Variants in ERRFI1 observed in about 807,000 individuals in gnomAD.
ERRFI1 encodes ERBB receptor feedback inhibitor 1.
In ERRFI1, 12 loss-of-function variants were observed where a neutral mutation model predicts 14.6. The observed-to-expected ratio is 0.82, with a 90% CI of 0.53 to 1.33. The LOEUF (loss-of-function observed/expected upper bound fraction) is 1.33. Ranked by LOEUF, ERRFI1 falls within the 40% of genes most tolerant of loss-of-function variation. ERRFI1 has a pLI of 0.00. For synonymous variants in ERRFI1, 202 were observed against 209.9 expected, an observed-to-expected ratio of 0.96 and a Z score of 0.32; for missense variants, 482 against 572.1, an observed-to-expected ratio of 0.84 and a Z score of 1.61.
rs1303724459 is a variant in ERRFI1 at position 8,014,437 on chromosome 1, T to C, written c.203-41A>G. The stretch of plus-strand genomic sequence containing the variant: ...GATATTAATAAAAGATCAACAATCC[T>C]CTCTCCACCTGTGTGAGGGAGAGAG... On this transcript the variant is annotated intron_variant, in intron 3 of 3. Transcript: ENST00000377482. The C allele has an allele frequency of 5.3e-6, 8 of 1,513,524 alleles. No individual in the cohort carries two copies. The South Asian group carries it at 7.9e-5, about 15-fold the overall frequency. The allele number at this position is 1,513,524 out of a possible 1,614,324, so 93.8% of individuals were successfully genotyped here. A position where few individuals can be genotyped will look rare whatever the true frequency, so the allele number is the denominator to read the frequency against.
At position 8,019,311 on chromosome 1, in the gene ERRFI1, A is replaced by G. The variant is rs577162995; in HGVS notation, c.-73-3619T>C. ...GGCCTCCACAATATAAACCTAATCT[A>G]TATTTTCAAGCGCGCTTCTATTTTC... On this transcript the variant is annotated intron_variant, in intron 1 of 3. Coordinates refer to ENST00000377482, the MANE Select transcript of ERRFI1 (RefSeq NM_018948.4). Among the ~76,000 whole-genome samples, 362 of 152,276 alleles carry G rather than the reference A, an allele frequency of 2.4e-3. 2 individuals carry two copies. The highest frequency in any genetic ancestry group is 4.4e-3 in the Non-Finnish European group (301 of 68,022).
At chr1:8,014,439 T>C (rs757355038) in intron 3 of ERRFI1, 43 bp from the exon 4 acceptor site, 3 of 1,504,968 alleles carry the variant, frequency 2.0e-6, no homozygotes, top group Non-Finnish European at 2.7e-6. Flanking sequence ...AACAATCCTC[T>C]CTCCACCTGT....
chr1:8,023,623 G>A (rs1641302630), intron 1 of ERRFI1, among the ~76,000 whole-genome samples: 1 of 152,184 alleles, frequency 6.6e-6, no homozygotes, highest in African/African-American at 2.4e-5. Context: ...ACCTGGAAGA[G>A]TGGTCTTTTC....
chr1:8,012,235 T>G lies in ERRFI1; in HGVS notation c.*975A>C, dbSNP rs1569576653. 1.3e-5 allele frequency: 3 copies of G among 231,688 alleles called. No homozygotes were observed. The Admixed American group carries it at 1.7e-4, about 13-fold the overall frequency. 14.4% of individuals were successfully genotyped at this position (231,688 alleles called of 1,614,324 possible). Reference sequence around the variant, plus strand: ...AGGAACCAGCAACACAAGGCCAGCTTGTGTTGTATGTTTATTAATACAGTC... The same window carrying G: ...AGGAACCAGCAACACAAGGCCAGCTGGTGTTGTATGTTTATTAATACAGTC... On this transcript the variant is annotated 3_prime_UTR_variant, in exon 4 of 4. Transcript: ENST00000377482.
At position 8,014,930 on chromosome 1, in the gene ERRFI1, A is replaced by C. The variant is rs1393262263; in HGVS notation, c.202+378T>G. 5 of 213,658 alleles carry C rather than the reference A, an allele frequency of 2.3e-5. No homozygotes were observed. The Admixed American group carries it at 2.6e-4, about 11-fold the overall frequency. The allele number at this position is 213,658 out of a possible 1,614,324, so 13.2% of individuals were successfully genotyped here. A position where few individuals can be genotyped will look rare whatever the true frequency, so the allele number is the denominator to read the frequency against. On this transcript the variant is annotated intron_variant, in intron 3 of 3. Coordinates refer to ENST00000377482, the MANE Select transcript of ERRFI1 (RefSeq NM_018948.4). Reference sequence around the variant, plus strand: ...TAAAAATACTATTTTTTAAGTTTTGAGGAACATTTATACTATTTTCATCTA... The same window carrying C: ...TAAAAATACTATTTTTTAAGTTTTGCGGAACATTTATACTATTTTCATCTA...
intron 1 of ERRFI1, among the ~76,000 whole-genome samples, chr1:8,022,810 C>A (rs448472): frequency 0.06 from 9,071 of 152,276 alleles, 1,406 homozygotes; most frequent in East Asian, 0.57. Flanking sequence ...AGGATTAATT[C>A]TTTTCACAAA....
Position 8,012,124 on chromosome 1 carries a change from A to T in ERRFI1, c.*1086T>A. 1 of 230,524 alleles carries T rather than the reference A, an allele frequency of 4.3e-6. No homozygotes were observed. The highest frequency in any genetic ancestry group is 8.6e-6 in the Non-Finnish European group (1 of 116,030). The allele number at this position is 230,524 out of a possible 1,614,324, so 14.3% of individuals were successfully genotyped here. A position where few individuals can be genotyped will look rare whatever the true frequency, so the allele number is the denominator to read the frequency against. The stretch of plus-strand genomic sequence containing the variant: ...GAGTTTTCAAAGCAGAAAGATGCTG[A>T]TGTGACCTCTGGAATTCAGACATAC... On this transcript the variant is annotated 3_prime_UTR_variant, in exon 4 of 4. Transcript: ENST00000377482.
At chr1:8,016,266 C>T (rs1641172164) in intron 1 of ERRFI1, among the ~76,000 whole-genome samples, 1 of 152,196 alleles carries the variant, frequency 6.6e-6, no homozygotes, top group African/African-American at 2.4e-5. Context: ...CATGGGGAGA[C>T]AAATTCTCCA....
chr1:8,014,494 T>C, intron 3 of ERRFI1, 98 bp from the exon 4 acceptor site: 2 of 1,196,680 alleles, frequency 1.7e-6, no homozygotes, highest in South Asian at 1.5e-5. Flanking sequence ...CACAGCTTTC[T>C]TCCTGAGTGA....
intron 1 of ERRFI1, among the ~76,000 whole-genome samples, chr1:8,016,139 T>A (rs1048083339): frequency 1.3e-5 from 2 of 152,212 alleles, no homozygotes; most frequent in African/African-American, 4.8e-5. Context: ...TATTTTATGC[T>A]GTAGAACTAA....
chr1:8,023,808 C>T (rs774126478), intron 1 of ERRFI1, among the ~76,000 whole-genome samples: 37 of 152,134 alleles, frequency 2.4e-4, no homozygotes, highest in Non-Finnish European at 4.9e-4. Context: ...CAAACTCATT[C>T]GCCTCATCTA....
At chr1:8,019,632 C>CTGTGAG (rs1641248647) in intron 1 of ERRFI1, among the ~76,000 whole-genome samples, 1 of 152,152 alleles carries the variant, frequency 6.6e-6, no homozygotes, top group Non-Finnish European at 1.5e-5. Context: ...TTCACATACA[C>CTGTGAG]TGTGAGTCAG....
chr1:8,016,913 G>GT (rs201522773), intron 1 of ERRFI1, among the ~76,000 whole-genome samples: 235 of 138,182 alleles, frequency 1.7e-3, no homozygotes, highest in East Asian at 5.9e-3. Context: ...TTTTTTTTTT[G>GT]TTTTTTTTTT....
At chr1:8,016,623 TAGTC>T (rs371891031) in intron 1 of ERRFI1, among the ~76,000 whole-genome samples, 7 of 152,248 alleles carry the variant, frequency 4.6e-5, no homozygotes, top group East Asian at 1.9e-4. Flanking sequence ...CGTTATGTGT[TAGTC>T]AGCATCAATC....
At chr1:8,015,229 A>T in intron 3 of ERRFI1, 79 bp downstream of exon 3, 1 of 1,274,928 alleles carries the variant, frequency 7.8e-7, no homozygotes, top group Non-Finnish European at 1.1e-6. Context: ...TTTAAAAAAT[A>T]ATGCTGGAGG....
At chr1:8,026,040 C>T (rs1167197567) in intron 1 of ERRFI1, 118 bp downstream of exon 1, 3 of 151,812 alleles carry the variant, frequency 2.0e-5, no homozygotes, top group Non-Finnish European at 4.4e-5. Flanking sequence ...CCGCGCCCTC[C>T]ACGCCCCCGC....
At chr1:8,014,725 T>C in intron 3 of ERRFI1, 1 of 300,974 alleles carries the variant, frequency 3.3e-6, no homozygotes, top group South Asian at 6.2e-5. Flanking sequence ...ATGAATACCA[T>C]ACTGTACCAG....
Position 8,014,020 on chromosome 1 carries a change from ATAT to A in ERRFI1, c.576_578del (p.Lys192_Tyr193delinsAsn), listed in dbSNP as rs768804151. The stretch of plus-strand genomic sequence containing the variant: ...GGAAGCTTCGCCTGCCAGGAACATC[ATAT>A]TTGAAATCAGAAAGTGTAGAGTCTT... On this transcript the variant is annotated inframe_deletion, in exon 4 of 4. Transcript: ENST00000377482. The A allele has an allele frequency of 1.2e-6, 2 of 1,614,142 alleles. No individual in the cohort carries two copies. The highest frequency in any genetic ancestry group is 1.7e-6 in the Non-Finnish European group (2 of 1,180,028).
intron 1 of ERRFI1, among the ~76,000 whole-genome samples, chr1:8,025,660 A>AT (rs776521924): frequency 3.3e-4 from 50 of 152,116 alleles, no homozygotes; most frequent in Admixed American, 7.8e-4. Flanking sequence ...CTTTTTACAA[A>AT]TAAAAAAAAA....
Sources: allele counts gnomAD v4.1 joint callset (sites outside exome capture counted in the v4.1 genomes callset), GRCh38; gene constraint gnomAD v4.1.1; transcripts MANE v1.5; gene names NCBI Gene and HGNC (gene_info 2026-07-23, HGNC 2026-07-21).